CLEC4D: variants seen among roughly 807,000 people sequenced by gnomAD.
CLEC4D encodes the protein C-type lectin domain family 4 member D.
In CLEC4D, 21 loss-of-function variants were observed where a neutral mutation model predicts 21.1. The observed-to-expected ratio is 1.00, with a 90% CI of 0.71 to 1.43. The LOEUF (loss-of-function observed/expected upper bound fraction) is 1.43, where lower values mean the gene tolerates loss of function less well. CLEC4D is among the 40% of genes most tolerant of loss of function. The pLI is 0.00. For synonymous variants in CLEC4D, 85 were observed against 83.1 expected, an observed-to-expected ratio of 1.02 and a Z score of -0.12; for missense variants, 289 against 260.7, an observed-to-expected ratio of 1.11 and a Z score of -0.75.
Position 8,521,461 on chromosome 12 carries a change from G to A in CLEC4D, c.*190G>A. The A allele has an allele frequency of 4.2e-6, 5 of 1,182,874 alleles. No individual in the cohort carries two copies. Among genetic ancestry groups the A allele is most frequent in the Non-Finnish European group, 4.4e-6 (4 of 914,876 alleles). The allele number at this position is 1,182,874 out of a possible 1,614,324, so 73.3% of individuals were successfully genotyped here. On this transcript the variant is annotated 3_prime_UTR_variant, in exon 6 of 6. Coordinates refer to ENST00000299665, the MANE Select transcript of CLEC4D (RefSeq NM_080387.5). ...GTGTATGTGTGTGTGTGTGTGTGTA[G>A]ATAATGTGGTTTTTGTATGGTGTTT...
At chr12:8,519,267 T>G (rs1940426700) in intron 4 of CLEC4D, 107 bp downstream of exon 4, 1 of 1,405,726 alleles carries the variant, frequency 7.1e-7, no homozygotes, top group Non-Finnish European at 9.3e-7. Flanking sequence ...ATCTGCTCCA[T>G]CTGCCTGGAA....
At chr12:8,517,669 G>A (rs1010060288) in intron 2 of CLEC4D, among the ~76,000 whole-genome samples, 2 of 152,246 alleles carry the variant, frequency 1.3e-5, no homozygotes, top group African/African-American at 2.4e-5. Flanking sequence ...AAAACGGGCC[G>A]GACGCGGTGG....
chr12:8,531,017 C>A, the CLEC4D span, among the ~76,000 whole-genome samples: 1 of 152,200 alleles, frequency 6.6e-6, no homozygotes, highest in Non-Finnish European at 1.5e-5. Context: ...TGCCCGGTGC[C>A]CTGTGGCCCT....
chr12:8,529,628 G>T, the CLEC4D span, among the ~76,000 whole-genome samples: 55 of 152,102 alleles, frequency 3.6e-4, no homozygotes, highest in Non-Finnish European at 6.6e-4. Context: ...AAAAAGAAAA[G>T]ATGTCAATAT....
intron 2 of CLEC4D, among the ~76,000 whole-genome samples, chr12:8,516,576 G>T (rs1940384451): frequency 6.6e-6 from 1 of 152,180 alleles, no homozygotes; most frequent in Admixed American, 6.5e-5. Flanking sequence ...TAACAGGATG[G>T]CAACAATAAA....
the CLEC4D span, among the ~76,000 whole-genome samples, chr12:8,529,929 C>T: frequency 6.6e-6 from 1 of 152,090 alleles, no homozygotes; most frequent in Non-Finnish European, 1.5e-5. Flanking sequence ...AGAAAAGAAG[C>T]ATCTAAACGG....
chr12:8,530,904 C>T, the CLEC4D span, among the ~76,000 whole-genome samples: 134 of 152,176 alleles, frequency 8.8e-4, no homozygotes, highest in African/African-American at 3.1e-3. Context: ...AAGAGTAAAC[C>T]GTGCGAAATT....
In CLEC4D at chr12:8,520,308, G is replaced by T; in HGVS notation, c.467G>T (p.Trp156Leu). The change falls in exon 5 of 6, where the codon TGG becomes TTG. Residue 156 changes from tryptophan to leucine, a missense_variant. Trp to Leu is a moderately conservative substitution (Grantham distance 61). Coordinates refer to ENST00000299665, the MANE Select transcript of CLEC4D (RefSeq NM_080387.5). ...GAGAATGCCAAAGGTCAGTGGCGTT[G>T]GGTGGACCAGACGCCATTTAACCCA... is the stretch of plus-strand genomic sequence containing the variant. The part of the protein sequence containing the change: ...RDENAKGQWR[W>L]VDQTPFNPRR... The T allele has an allele frequency of 6.2e-7, 1 of 1,613,982 alleles. No homozygotes were observed. The highest frequency in any genetic ancestry group is 8.5e-7 in the Non-Finnish European group (1 of 1,179,880).
chr12:8,531,469 G>A, the CLEC4D span, among the ~76,000 whole-genome samples: 1 of 151,992 alleles, frequency 6.6e-6, no homozygotes, highest in African/African-American at 2.4e-5. Context: ...GGACCTTCTG[G>A]GAAATAACTC....
chr12:8,517,996 C>T (rs114105733), intron 2 of CLEC4D, among the ~76,000 whole-genome samples, 168 bp from the exon 3 acceptor site: 2,076 of 152,274 alleles, frequency 0.014, 48 homozygotes, highest in African/African-American at 0.046. Context: ...TCAACAATTG[C>T]TTTCAACCAA....
intron 3 of CLEC4D, 92 bp from the exon 4 acceptor site, chr12:8,518,917 A>T: frequency 6.8e-7 from 1 of 1,461,038 alleles, no homozygotes; most frequent in East Asian, 2.4e-5. Flanking sequence ...TCTCACAAAT[A>T]TTAATTGGAT....
Position 8,522,081 on chromosome 12 carries a change from G to A in CLEC4D, c.*810G>A, listed in dbSNP as rs1336517511. 6.6e-6 allele frequency: 1 copy of A among 152,040 alleles called. No homozygotes were observed. Among genetic ancestry groups the A allele is most frequent in the African/African-American group, 2.4e-5 (1 of 41,404 alleles). 9.4% of individuals were successfully genotyped at this position (152,040 alleles called of 1,614,324 possible). On this transcript the variant is annotated 3_prime_UTR_variant, in exon 6 of 6. Coordinates refer to ENST00000299665, the MANE Select transcript of CLEC4D (RefSeq NM_080387.5). Reference sequence around the variant, plus strand: ...TTTGGTATCACAGGAAGTTACTGGGGATTACTCGACCTCATTACTTAGCTA... The same window carrying A: ...TTTGGTATCACAGGAAGTTACTGGGAATTACTCGACCTCATTACTTAGCTA...
chr12:8,531,654 ATG>A, the CLEC4D span, among the ~76,000 whole-genome samples: 2 of 152,168 alleles, frequency 1.3e-5, no homozygotes, highest in Admixed American at 6.5e-5. Flanking sequence ...TACAATTATT[ATG>A]TGTCAATCAA....
rs145637294 is a variant in CLEC4D at position 8,520,254 on chromosome 12, G to A, written c.413G>A (p.Arg138Gln). 1.8e-4 allele frequency: 295 copies of A among 1,613,800 alleles called. No homozygotes were observed. In the African/African-American group the frequency reaches 2.7e-3, roughly 15 times the overall value. The change falls in exon 5 of 6, where the codon CGG (arginine) becomes CAG (glutamine). Residue 138 changes from arginine to glutamine, a missense_variant. By Grantham distance (43) the Arg-to-Gln change is conservative. Coordinates refer to ENST00000299665, the MANE Select transcript of CLEC4D (RefSeq NM_080387.5). ...QNFIIQFLDR[R>Q]LSYFLGLRDE... The stretch of plus-strand genomic sequence containing the variant: ...TTTATTATTCAGTTTCTGGATAGAC[G>A]GCTTTCCTATTTCCTTGGACTTAGA...
At chr12:8,524,376 A>T (rs1316987489), downstream of CLEC4D, among the ~76,000 whole-genome samples, 2 of 131,160 alleles carry the variant, frequency 1.5e-5, no homozygotes, top group Admixed American at 7.1e-5. Flanking sequence ...CCTCTATTTC[A>T]GAGCTCGTAA....
At chr12:8,524,692 T>G (rs1383460069), downstream of CLEC4D, among the ~76,000 whole-genome samples, 3 of 152,130 alleles carry the variant, frequency 2.0e-5, no homozygotes, top group Non-Finnish European at 4.4e-5. Flanking sequence ...CATGTCTCTA[T>G]TCTCCTTCGG....
downstream of CLEC4D, among the ~76,000 whole-genome samples, chr12:8,526,725 T>A (rs954662770): frequency 6.6e-6 from 1 of 152,244 alleles, no homozygotes; most frequent in African/African-American, 2.4e-5. Context: ...TTCTGCACTC[T>A]TGATGGAGAG....
In CLEC4D at chr12:8,521,287, T is replaced by C. The variant is rs1440769215; in HGVS notation, c.*16T>C. The C allele has an allele frequency of 6.3e-7, 1 of 1,596,780 alleles. No individual in the cohort carries two copies. Among genetic ancestry groups the C allele is most frequent in the Non-Finnish European group, 8.5e-7 (1 of 1,173,532 alleles). Reference sequence around the variant, plus strand: ...ATTGAACTAGAAACTCAGAAAGTGGTCCTTGTGATGGAAAGAGAAAAGAAA... The same window carrying C: ...ATTGAACTAGAAACTCAGAAAGTGGCCCTTGTGATGGAAAGAGAAAAGAAA... On this transcript the variant is annotated 3_prime_UTR_variant, in exon 6 of 6. Transcript: ENST00000299665.
At chr12:8,527,702 G>C in the CLEC4D span, among the ~76,000 whole-genome samples, 1 of 152,244 alleles carries the variant, frequency 6.6e-6, no homozygotes, top group Non-Finnish European at 1.5e-5. Context: ...GCCACAGCCA[G>C]TGCTGGTCGC....
Sources: allele counts gnomAD v4.1 joint callset (sites outside exome capture counted in the v4.1 genomes callset), GRCh38; gene constraint gnomAD v4.1.1; transcripts MANE v1.5; gene names NCBI Gene and HGNC (gene_info 2026-07-23, HGNC 2026-07-21).